The following SLC14A2 variants were observed in gnomAD, a reference collection of about 807,000 sequenced individuals.
SLC14A2 encodes solute carrier family 14 member 2.
In SLC14A2, 91 loss-of-function variants were observed where a neutral mutation model predicts 104.6. That is an observed-to-expected ratio of 0.87 (90% confidence interval 0.73 to 1.04). SLC14A2 has a LOEUF of 1.04. Among genes scored for constraint, SLC14A2 ranks in the 50% least tolerant of loss-of-function variants. The pLI is 0.00. For synonymous variants in SLC14A2, 476 were observed against 466.4 expected, an observed-to-expected ratio of 1.02 and a Z score of -0.27; for missense variants, 1,189 against 1,156.0, an observed-to-expected ratio of 1.03 and a Z score of -0.41.
chr18:45,320,176 T>C (rs1487939337), intron 1 of SLC14A2, among the ~76,000 whole-genome samples: 1 of 152,214 alleles, frequency 6.6e-6, no homozygotes, highest in Middle Eastern at 3.2e-3. Flanking sequence ...CTTATTCATG[T>C]GCTTTATCTC....
rs147041115 is a variant in SLC14A2 at position 45,254,168 on chromosome 18, C to G, written c.-125+40977C>G. Among the ~76,000 whole-genome samples, 5 of 152,200 alleles carry G rather than the reference C, an allele frequency of 3.3e-5. No homozygotes were observed. The South Asian group carries it at 1.0e-3, about 32-fold the overall frequency. On this transcript the variant is annotated intron_variant, in intron 1 of 20. Coordinates refer to the SLC14A2 transcript ENST00000586448. ...TGTCAACCAGCTCCTCTCATTCAGT[C>G]GACACTCTTGCCAGCTGGCCATGTG...
At position 45,235,832 on chromosome 18, in the gene SLC14A2, C is replaced by CGT. The variant is rs1319368028; in HGVS notation, c.-125+22644_-125+22645dup. On this transcript the variant is annotated intron_variant, in intron 1 of 20. Coordinates refer to the SLC14A2 transcript ENST00000586448. ...GTGTGTGTATATATATATATATATACGTGTATATATATATGTATATATACA... is the reference window on the plus strand; with the variant it reads ...GTGTGTGTATATATATATATATATACGTGTGTATATATATATGTATATATACA... 2.8e-5 allele frequency among the ~76,000 whole-genome samples: 2 copies of CGT among 71,862 alleles called. 1 individual carries two copies. The highest frequency in any genetic ancestry group is 5.6e-5 in the Non-Finnish European group (2 of 35,410). 47.1% of individuals were successfully genotyped at this position (71,862 alleles called of 152,430 possible). A position where few individuals can be genotyped will look rare whatever the true frequency, so the allele number is the denominator to read the frequency against.
intron 1 of SLC14A2, among the ~76,000 whole-genome samples, chr18:45,452,318 C>A (rs6507618): frequency 0.23 from 35,153 of 152,106 alleles, 7,117 homozygotes; most frequent in African/African-American, 0.53. Flanking sequence ...AATGAAACAC[C>A]AGTGAATTTT....
chr18:45,248,046 C>T (rs149362423), intron 1 of SLC14A2, among the ~76,000 whole-genome samples: 448 of 152,268 alleles, frequency 2.9e-3, no homozygotes, highest in Admixed American at 8.0e-3. Flanking sequence ...AAACCCCTTT[C>T]TATCAGTGAG....
chr18:45,274,622 G>A (rs2084683764), intron 1 of SLC14A2, among the ~76,000 whole-genome samples: 1 of 152,182 alleles, frequency 6.6e-6, no homozygotes, highest in East Asian at 1.9e-4. Flanking sequence ...CTTTCTCAAG[G>A]CAGGATACTG....
intron 5 of SLC14A2, among the ~76,000 whole-genome samples, 168 bp downstream of exon 5, chr18:45,632,646 G>T (rs1370174141): frequency 6.6e-6 from 1 of 152,182 alleles, no homozygotes; most frequent in Non-Finnish European, 1.5e-5. Flanking sequence ...ACACAAGGGG[G>T]TCATTTGGAG....
At chr18:45,199,471 AT>A in the SLC14A2 span, among the ~76,000 whole-genome samples, 1 of 151,444 alleles carries the variant, frequency 6.6e-6, no homozygotes, top group Non-Finnish European at 1.5e-5. Flanking sequence ...TTCTTTTTTC[AT>A]TTTACAATTT....
chr18:45,202,791 G>A, the SLC14A2 span, among the ~76,000 whole-genome samples: 1 of 152,090 alleles, frequency 6.6e-6, no homozygotes, highest in African/African-American at 2.4e-5. Context: ...ATTTAACATA[G>A]CCAATTAGTT....
At chr18:45,251,665 C>T (rs2084424653) in intron 1 of SLC14A2, among the ~76,000 whole-genome samples, 1 of 152,214 alleles carries the variant, frequency 6.6e-6, no homozygotes. Context: ...GTGGCCTTCC[C>T]TCTGTAAGGT....
intron 1 of SLC14A2, among the ~76,000 whole-genome samples, chr18:45,363,736 A>T (rs1052404571): frequency 6.6e-6 from 1 of 152,164 alleles, no homozygotes; most frequent in African/African-American, 2.4e-5. Flanking sequence ...GGTCTTTGCC[A>T]GGTGGTGATG....
At chr18:45,494,798 T>C (rs2043062801) in intron 2 of SLC14A2, among the ~76,000 whole-genome samples, 1 of 152,068 alleles carries the variant, frequency 6.6e-6, no homozygotes, top group African/African-American at 2.4e-5. Flanking sequence ...CTCTTCAGTC[T>C]GTCCACTCCC....
At chr18:45,231,302 A>C (rs1483322007) in intron 1 of SLC14A2, among the ~76,000 whole-genome samples, 1 of 152,124 alleles carries the variant, frequency 6.6e-6, no homozygotes, top group Admixed American at 6.5e-5. Flanking sequence ...TCCTGGGCTC[A>C]AGCTATCCTC....
At chr18:45,609,451 C>T (rs978668688) in intron 2 of SLC14A2, among the ~76,000 whole-genome samples, 1 of 152,134 alleles carries the variant, frequency 6.6e-6, no homozygotes, top group African/African-American at 2.4e-5. Flanking sequence ...TTTGGTAATG[C>T]ACAGTTATTA....
chr18:45,347,976 T>C (rs1218054139), intron 1 of SLC14A2, among the ~76,000 whole-genome samples: 1 of 152,204 alleles, frequency 6.6e-6, no homozygotes, highest in African/African-American at 2.4e-5. Context: ...AAACCAGAAG[T>C]GTCATCTGTG....
At chr18:45,209,349 A>AAAC (rs201890560), upstream of SLC14A2, among the ~76,000 whole-genome samples, 42 of 151,338 alleles carry the variant, frequency 2.8e-4, no homozygotes, top group South Asian at 3.3e-3. Flanking sequence ...TCTCAAAACA[A>AAAC]AACAACAACA....
chr18:45,205,909 A>C, the SLC14A2 span, among the ~76,000 whole-genome samples: 4 of 152,206 alleles, frequency 2.6e-5, no homozygotes, highest in Non-Finnish European at 5.9e-5. Context: ...GCATGGAAAG[A>C]GGGAGGGGGA....
chr18:45,539,228 G>C (rs1329906673), intron 2 of SLC14A2, among the ~76,000 whole-genome samples: 1 of 116,866 alleles, frequency 8.6e-6, no homozygotes, highest in African/African-American at 3.3e-5. Context: ...TAAAGTGATG[G>C]CTTCTGGAAG....
At chr18:45,335,465 G>A (rs75167205) in intron 1 of SLC14A2, among the ~76,000 whole-genome samples, 992 of 46,600 alleles carry the variant, frequency 0.021, 7 homozygotes, top group African/African-American at 0.077. Context: ...TTATATGCAG[G>A]TATGAGAATG....
At chr18:45,437,545 C>T (rs925735570) in intron 1 of SLC14A2, among the ~76,000 whole-genome samples, 4 of 152,186 alleles carry the variant, frequency 2.6e-5, no homozygotes, top group Admixed American at 6.5e-5. Flanking sequence ...CTGCTAGCCA[C>T]CCTCATGTCA....
Sources: gnomAD v4.1 joint callset for allele counts (sites outside exome capture counted in the v4.1 genomes callset) on GRCh38, gnomAD v4.1.1 for gene constraint, MANE v1.5 for transcripts, NCBI Gene and HGNC (gene_info 2026-07-23, HGNC 2026-07-21) for gene names.